Variants in TRAF3 observed in about 807,000 individuals in gnomAD.
TRAF3 encodes TNF receptor-associated factor 3.
Under a neutral mutation model 62.3 loss-of-function variants are expected in TRAF3, and 13 were observed. That is an observed-to-expected ratio of 0.21 (90% CI 0.14 to 0.33). The LOEUF (loss-of-function observed/expected upper bound fraction) is 0.33, where lower values mean the gene tolerates loss of function less well. TRAF3 is among the 10% of genes least tolerant of loss of function. TRAF3 has a pLI of 1.00. For synonymous variants in TRAF3, 269 were observed against 283.4 expected, an observed-to-expected ratio of 0.95 and a Z score of 0.51; for missense variants, 440 against 741.8, an observed-to-expected ratio of 0.59 and a Z score of 4.73.
chr14:102,838,519 T>G (rs1336852065), intron 2 of TRAF3, among the ~76,000 whole-genome samples: 1 of 152,208 alleles, frequency 6.6e-6, no homozygotes, highest in Non-Finnish European at 1.5e-5. Flanking sequence ...ACAGGATAAA[T>G]TTAGCATGAT....
chr14:102,807,672 T>C (rs1390130152), intron 1 of TRAF3, among the ~76,000 whole-genome samples: 1 of 152,206 alleles, frequency 6.6e-6, no homozygotes, highest in Non-Finnish European at 1.5e-5. Flanking sequence ...TTTCTGTCAG[T>C]TATTTTTTCC....
chr14:102,908,435 C>T lies in TRAF3; in HGVS notation c.*2651C>T, dbSNP rs1252506169. On this transcript the variant is annotated 3_prime_UTR_variant, in exon 12 of 12. Coordinates refer to ENST00000392745, the MANE Select transcript of TRAF3 (RefSeq NM_145725.3). ...TGTACTCAACACAGTGGGCAGCAGC[C>T]TGGGACGGCGTCCCCTCTCCCGGCG... 1 of 152,380 alleles carries T rather than the reference C, an allele frequency of 6.6e-6. No individual in the cohort carries two copies. Among genetic ancestry groups the T allele is most frequent in the Non-Finnish European group, 1.5e-5 (1 of 68,148 alleles). 9.4% of individuals were successfully genotyped at this position (152,380 alleles called of 1,614,324 possible).
intron 6 of TRAF3, among the ~76,000 whole-genome samples, chr14:102,882,035 C>T (rs889650667): frequency 6.6e-6 from 1 of 152,196 alleles, no homozygotes; most frequent in East Asian, 1.9e-4. Flanking sequence ...ATGAGAGAGA[C>T]AGCCAGATGT....
rs1890757712 is a variant in TRAF3 at position 102,909,562 on chromosome 14, G to A, written c.*3778G>A. Reference sequence around the variant, plus strand: ...TTGGCCTGTGGCGCTGGGGAGCCATGGTGTGGCATACTGGGGCTCCTGCTC... The same window carrying A: ...TTGGCCTGTGGCGCTGGGGAGCCATAGTGTGGCATACTGGGGCTCCTGCTC... On this transcript the variant is annotated 3_prime_UTR_variant, in exon 12 of 12. Transcript: ENST00000392745. 6.6e-6 allele frequency: 1 copy of A among 152,520 alleles called. No homozygotes were observed. The allele number at this position is 152,520 out of a possible 1,614,324, so 9.4% of individuals were successfully genotyped here.
chr14:102,779,269 C>CTTTTTTT lies in TRAF3; in HGVS notation c.-157+1617_-157+1623dup, dbSNP rs61309052. On this transcript the variant is annotated intron_variant, in intron 1 of 11. Coordinates refer to ENST00000392745, the MANE Select transcript of TRAF3 (RefSeq NM_145725.3). ...GAGAGCTGGCCAGGGAGAATTCCAG[C>CTTTTTTT]TTTTTTTTTTTTTTTTTTTTTTTTT... 1.4e-3 allele frequency among the ~76,000 whole-genome samples: 177 copies of CTTTTTTT among 123,402 alleles called. 10 individuals carry two copies. The highest frequency in any genetic ancestry group is 2.9e-3 in the African/African-American group (83 of 28,490). 81.0% of individuals were successfully genotyped at this position (123,402 alleles called of 152,430 possible). A position where few individuals can be genotyped will look rare whatever the true frequency, so the allele number is the denominator to read the frequency against.
At chr14:102,884,719 G>T (rs1163872226) in intron 6 of TRAF3, among the ~76,000 whole-genome samples, 2 of 152,028 alleles carry the variant, frequency 1.3e-5, no homozygotes, top group African/African-American at 4.8e-5. Flanking sequence ...GGCTGAGGCA[G>T]GAGAATTGCT....
In TRAF3 at chr14:102,909,635, G is replaced by A. The variant is rs992888519; in HGVS notation, c.*3851G>A. On this transcript the variant is annotated 3_prime_UTR_variant, in exon 12 of 12. Coordinates refer to ENST00000392745, the MANE Select transcript of TRAF3 (RefSeq NM_145725.3). ...GGCCCCACAGGCCCACCACCTGCCA[G>A]GGCTCCCACTGCACTGGCTGTGGCA... 1.3e-5 allele frequency: 2 copies of A among 152,442 alleles called. No individual in the cohort carries two copies. The highest frequency in any genetic ancestry group is 2.9e-5 in the Non-Finnish European group (2 of 68,236). 9.4% of individuals were successfully genotyped at this position (152,442 alleles called of 1,614,324 possible).
At position 102,779,916 on chromosome 14, in the gene TRAF3, G is replaced by A. The variant is rs548819369; in HGVS notation, c.-157+2241G>A. Among the ~76,000 whole-genome samples, 14 of 152,336 alleles carry A rather than the reference G, an allele frequency of 9.2e-5. 1 individual carries two copies. The South Asian group carries it at 2.7e-3, about 29-fold the overall frequency. Reference sequence around the variant, plus strand: ...GTCAGTTTAAAGAACTGTTAACTTAGCAGAGGCGACGTCTCGTGGCCAAGG... The same window carrying A: ...GTCAGTTTAAAGAACTGTTAACTTAACAGAGGCGACGTCTCGTGGCCAAGG... On this transcript the variant is annotated intron_variant, in intron 1 of 11. Coordinates refer to ENST00000392745, the MANE Select transcript of TRAF3 (RefSeq NM_145725.3).
chr14:102,895,135 T>G (rs1369088487), intron 9 of TRAF3: 2 of 455,674 alleles, frequency 4.4e-6, no homozygotes, highest in Admixed American at 2.4e-5. Context: ...ATGAATGAAT[T>G]GTTACTTTCA....
intron 1 of TRAF3, among the ~76,000 whole-genome samples, chr14:102,814,782 C>CA (rs1452091313): frequency 6.6e-6 from 1 of 152,104 alleles, no homozygotes; most frequent in African/African-American, 2.4e-5. Flanking sequence ...CTCAGCCTCC[C>CA]AAAGTGCTGG....
rs781364046 is a variant in TRAF3, at chr14:102,911,281, G to C, written c.*5497G>C. 3 of 152,194 alleles carry C rather than the reference G, an allele frequency of 2.0e-5. No individual in the cohort carries two copies. Among genetic ancestry groups the C allele is most frequent in the Non-Finnish European group, 4.4e-5 (3 of 68,034 alleles). 9.4% of individuals were successfully genotyped at this position (152,194 alleles called of 1,614,324 possible). ...AGCAATAATCATGTTGTTACTGTGA[G>C]TTAGCAACATGCCTGACTTCCTGAT... On this transcript the variant is annotated 3_prime_UTR_variant, in exon 12 of 12. Coordinates refer to ENST00000392745, the MANE Select transcript of TRAF3 (RefSeq NM_145725.3).
At chr14:102,896,331 G>A (rs1179695254) in intron 9 of TRAF3, among the ~76,000 whole-genome samples, 2 of 152,066 alleles carry the variant, frequency 1.3e-5, no homozygotes, top group Non-Finnish European at 2.9e-5. Flanking sequence ...CCACCAGCCC[G>A]GGTAACCACC....
intron 1 of TRAF3, among the ~76,000 whole-genome samples, chr14:102,824,851 T>A (rs187433064): frequency 4.4e-4 from 67 of 152,366 alleles, no homozygotes; most frequent in Middle Eastern, 3.4e-3. Flanking sequence ...AAAATATTAC[T>A]GAGTGCCTTG....
At chr14:102,827,683 G>T (rs1338645452) in intron 1 of TRAF3, among the ~76,000 whole-genome samples, 1 of 152,222 alleles carries the variant, frequency 6.6e-6, no homozygotes, top group African/African-American at 2.4e-5. Flanking sequence ...CACATGGTCA[G>T]TGCTCACTAA....
At chr14:102,834,656 C>G (rs1885872104) in intron 2 of TRAF3, among the ~76,000 whole-genome samples, 1 of 145,376 alleles carries the variant, frequency 6.9e-6, no homozygotes, top group South Asian at 2.1e-4. Flanking sequence ...CCACTGCACT[C>G]CAGCCTGGGT....
chr14:102,778,023 C>G (rs1001863905), intron 1 of TRAF3, among the ~76,000 whole-genome samples: 1 of 150,396 alleles, frequency 6.6e-6, no homozygotes, highest in African/African-American at 2.4e-5. Flanking sequence ...GCGTTGAGGA[C>G]CCGGCACCCC....
chr14:102,808,370 G>A (rs565003192), intron 1 of TRAF3, among the ~76,000 whole-genome samples: 28 of 152,172 alleles, frequency 1.8e-4, no homozygotes, highest in Non-Finnish European at 3.2e-4. Flanking sequence ...AAAATTAGCC[G>A]GGTGTGGTGG....
chr14:102,905,775 C>T lies in TRAF3; in HGVS notation c.1698C>T (p.Pro566=), dbSNP rs377148855. ...TCATAGTGGATACTTCGGATCTGCC[C>T]GATCCCTGATAAGTAGCTGGGGAGG... is the stretch of plus-strand genomic sequence containing the variant. ...IKVIVDTSDL[P]DP is the part of the protein sequence containing the mutation. The change falls in exon 12 of 12, where the codon CCC becomes CCT. Residue 566 remains proline, a synonymous_variant. Transcript: ENST00000392745. The T allele has an allele frequency of 2.3e-5, 37 of 1,613,334 alleles. No individual in the cohort carries two copies. The highest frequency in any genetic ancestry group is 1.1e-4 in the African/African-American group (8 of 75,022).
At chr14:102,809,961 C>T (rs1899024390) in intron 1 of TRAF3, among the ~76,000 whole-genome samples, 1 of 152,126 alleles carries the variant, frequency 6.6e-6, no homozygotes, top group Non-Finnish European at 1.5e-5. Context: ...TTACCAAAAA[C>T]GTTGGAGCAC....
Sources: allele counts gnomAD v4.1 joint callset (sites outside exome capture counted in the v4.1 genomes callset), GRCh38; gene constraint gnomAD v4.1.1; transcripts MANE v1.5; gene names NCBI Gene and HGNC (gene_info 2026-07-23, HGNC 2026-07-21).